Variants in IKBKB observed in about 807,000 individuals in gnomAD.
The protein encoded by IKBKB is inhibitor of nuclear factor kappa B kinase subunit beta.
IKBKB carries 42 observed loss-of-function variants against 113.6 expected under a neutral mutation model. That is an observed-to-expected ratio of 0.37 (90% CI 0.29 to 0.48). IKBKB has a LOEUF of 0.48. Among genes scored for constraint, IKBKB ranks in the 20% least tolerant of loss-of-function variants. The pLI, the probability that IKBKB is intolerant of heterozygous loss-of-function variation, is 0.99. For missense variants in IKBKB, 673 were observed against 939.7 expected, an observed-to-expected ratio of 0.72 and a Z score of 3.71; for synonymous variants, 296 against 361.3, an observed-to-expected ratio of 0.82 and a Z score of 2.05.
chr8:42,316,138 T>C lies in IKBKB; in HGVS notation c.801-72T>C. 6.4e-7 allele frequency: 1 copy of C among 1,561,144 alleles called. No homozygotes were observed. The highest frequency in any genetic ancestry group is 8.8e-7 in the Non-Finnish European group (1 of 1,142,628). Reference sequence around the variant, plus strand: ...GTCTACTGGCTGCCGTCTGTGTGTATACTGGGAGACGCACACTGTAGCCCA... The same window carrying C: ...GTCTACTGGCTGCCGTCTGTGTGTACACTGGGAGACGCACACTGTAGCCCA... On this transcript the variant is annotated intron_variant, in intron 9 of 21. Coordinates refer to ENST00000520810, the MANE Select transcript of IKBKB (RefSeq NM_001556.3). The surrounding 1 kb of genome is among the most constrained non-coding windows in gnomAD (Gnocchi z 4.5).
chr8:42,329,750 C>T (rs142327514), intron 21 of IKBKB: 1 of 985,400 alleles, frequency 1.0e-6, no homozygotes, highest in East Asian at 1.1e-4. Context: ...GCCTTGTCCT[C>T]AGGGCCTTGG....
rs1302873889 is a variant in IKBKB at position 42,332,265 on chromosome 8, A to G, written c.*1286A>G. 3 of 152,228 alleles carry G rather than the reference A, an allele frequency of 2.0e-5. No homozygotes were observed. Among genetic ancestry groups the G allele is most frequent in the Non-Finnish European group, 4.4e-5 (3 of 68,044 alleles). 9.4% of individuals were successfully genotyped at this position (152,228 alleles called of 1,614,324 possible). On this transcript the variant is annotated 3_prime_UTR_variant, in exon 22 of 22. Transcript: ENST00000520810. Reference sequence around the variant, plus strand: ...TTCATGTTTCACTTGCTTTGTGGAGATTCACACTATGCACTGGGAAAGTAT... The same window carrying G: ...TTCATGTTTCACTTGCTTTGTGGAGGTTCACACTATGCACTGGGAAAGTAT...
chr8:42,278,886 C>G (rs1809740147), intron 2 of IKBKB, among the ~76,000 whole-genome samples: 1 of 152,048 alleles, frequency 6.6e-6, no homozygotes, highest in South Asian at 2.1e-4. Flanking sequence ...ACCAACTACT[C>G]AGGAGGCTGA....
intron 18 of IKBKB, 74 bp from the exon 19 acceptor site, chr8:42,322,273 T>C (rs1341650896): frequency 1.3e-6 from 2 of 1,588,412 alleles, no homozygotes. Flanking sequence ...AGCTGCTGAC[T>C]GGATGCACAG....
intron 5 of IKBKB, among the ~76,000 whole-genome samples, chr8:42,301,917 A>T (rs1815296637): frequency 6.6e-6 from 1 of 152,184 alleles, no homozygotes; most frequent in Non-Finnish European, 1.5e-5. Context: ...GCCTTGTCTC[A>T]GTCTGGGCAT....
chr8:42,318,769 C>A, intron 13 of IKBKB, 94 bp downstream of exon 13: 2 of 1,222,138 alleles, frequency 1.6e-6, no homozygotes, highest in Non-Finnish European at 1.1e-6. Flanking sequence ...GACCCAGAAG[C>A]AACCGTTATG....
In IKBKB at chr8:42,322,042, C is replaced by A; in HGVS notation, c.1739-12C>A. On this transcript the variant is annotated splice_polypyrimidine_tract_variant and intron_variant, in intron 17 of 21. Transcript: ENST00000520810. The stretch of plus-strand genomic sequence containing the variant: ...CTTCCTTGAGGAACTATGCTACCCT[C>A]CCTCTCTCCAGACCAGCGAACTGAG... 6.2e-7 allele frequency: 1 copy of A among 1,611,928 alleles called. No homozygotes were observed. Among genetic ancestry groups the A allele is most frequent in the Admixed American group, 1.7e-5 (1 of 60,016 alleles).
In IKBKB at chr8:42,277,164, C is replaced by T. The variant is rs1199018922; in HGVS notation, c.105+4959C>T. ...GATTACAGGCGTGAGCCACCGCACC[C>T]GGCCACGTGTGGCTAATTTTTTTTT... On this transcript the variant is annotated intron_variant, in intron 2 of 21. Coordinates refer to ENST00000520810, the MANE Select transcript of IKBKB (RefSeq NM_001556.3). Among the ~76,000 whole-genome samples, 3 of 149,456 alleles carry T rather than the reference C, an allele frequency of 2.0e-5. 1 individual carries two copies. Among genetic ancestry groups the T allele is most frequent in the Middle Eastern group, 7.3e-3 (2 of 274 alleles).
rs749899489 is a variant in IKBKB, at chr8:42,316,999, G to A, written c.1125+95G>A. 8.2e-6 allele frequency: 10 copies of A among 1,212,258 alleles called. No homozygotes were observed. Among genetic ancestry groups the A allele is most frequent in the Admixed American group, 2.0e-5 (1 of 51,210 alleles). The allele number at this position is 1,212,258 out of a possible 1,614,324, so 75.1% of individuals were successfully genotyped here. ...TCAGATTTCAATTCTGCTTTGTCAT[G>A]TAGTCTGTTAATCACACAGTGCGGA... On this transcript the variant is annotated intron_variant, in intron 11 of 21. Coordinates refer to ENST00000520810, the MANE Select transcript of IKBKB (RefSeq NM_001556.3). The surrounding 1 kb of genome is among the most constrained non-coding windows in gnomAD (Gnocchi z 4.5).
intron 6 of IKBKB, among the ~76,000 whole-genome samples, 159 bp from the exon 7 acceptor site, chr8:42,306,184 A>G (rs933405076): frequency 6.6e-6 from 1 of 152,186 alleles, no homozygotes; most frequent in Non-Finnish European, 1.5e-5. Flanking sequence ...TACCGTGTCG[A>G]GGGCATTCTT....
intron 2 of IKBKB, among the ~76,000 whole-genome samples, chr8:42,275,924 C>G (rs1308913373): frequency 6.6e-6 from 1 of 152,142 alleles, no homozygotes; most frequent in East Asian, 1.9e-4. Flanking sequence ...TCACTGCAAC[C>G]TCCGCCTCCC....
chr8:42,326,698 C>T (rs17875724), intron 20 of IKBKB, among the ~76,000 whole-genome samples: 76 of 152,296 alleles, frequency 5.0e-4, no homozygotes, highest in African/African-American at 1.8e-3. Flanking sequence ...TCTGAGCTTT[C>T]GTCAAGTCTC....
At chr8:42,290,771 C>T (rs891951897) in intron 4 of IKBKB, among the ~76,000 whole-genome samples, 1 of 152,126 alleles carries the variant, frequency 6.6e-6, no homozygotes, top group Non-Finnish European at 1.5e-5. Context: ...CAGACCCGCC[C>T]CAATCCATCC....
At chr8:42,288,762 G>A in intron 3 of IKBKB, 34 bp downstream of exon 3, 1 of 1,528,970 alleles carries the variant, frequency 6.5e-7, no homozygotes, top group Admixed American at 1.8e-5. Context: ...CCAAGGGAAA[G>A]CTGGAGCAGC....
intron 8 of IKBKB, among the ~76,000 whole-genome samples, chr8:42,312,232 G>C (rs1182255410): frequency 6.6e-6 from 1 of 152,188 alleles, no homozygotes; most frequent in East Asian, 1.9e-4. Context: ...CAGGTCACTT[G>C]TTGAGCATGT....
intron 2 of IKBKB, chr8:42,272,484 T>C: frequency 3.8e-6 from 2 of 529,378 alleles, no homozygotes; most frequent in Non-Finnish European, 6.6e-6. Flanking sequence ...TATCATGTAC[T>C]AATATATACT....
chr8:42,301,267 G>A (rs1340214610), intron 5 of IKBKB, among the ~76,000 whole-genome samples: 1 of 152,214 alleles, frequency 6.6e-6, no homozygotes, highest in Non-Finnish European at 1.5e-5. Context: ...GCTTTGTGGT[G>A]TGGCTTTTAA....
In IKBKB at chr8:42,316,556, T is replaced by G. The variant is rs1010025912; in HGVS notation, c.931-154T>G. On this transcript the variant is annotated intron_variant, in intron 10 of 21. Transcript: ENST00000520810. The surrounding 1 kb of genome is among the most constrained non-coding windows in gnomAD (Gnocchi z 4.5). Reference sequence around the variant, plus strand: ...GACAGGATTATGAAAGATGCAAATATGCGAAACATGGCACATGACCTCCCT... The same window carrying G: ...GACAGGATTATGAAAGATGCAAATAGGCGAAACATGGCACATGACCTCCCT... 6.6e-6 allele frequency among the ~76,000 whole-genome samples: 1 copy of G among 152,192 alleles called. No individual in the cohort carries two copies. The highest frequency in any genetic ancestry group is 6.5e-5 in the Admixed American group (1 of 15,280).
chr8:42,326,200 C>A, intron 20 of IKBKB, 103 bp downstream of exon 20: 3 of 1,375,168 alleles, frequency 2.2e-6, no homozygotes, highest in Non-Finnish European at 2.0e-6. Flanking sequence ...ATGGTATTAC[C>A]ACCTCTCTGG....
Sources: allele counts gnomAD v4.1 joint callset (sites outside exome capture counted in the v4.1 genomes callset), GRCh38; gene constraint gnomAD v4.1.1; non-coding constraint Gnocchi (gnomAD v3.1); transcripts MANE v1.5; gene names NCBI Gene and HGNC (gene_info 2026-07-23, HGNC 2026-07-21).